The following ITK variants were observed in gnomAD, a reference collection of about 807,000 sequenced individuals.
The protein encoded by ITK is IL2 inducible T cell kinase.
A neutral mutation model predicts 87.6 loss-of-function variants in ITK; 45 were observed. The observed-to-expected ratio is 0.51, with a 90% CI of 0.40 to 0.66. The LOEUF (loss-of-function observed/expected upper bound fraction) is 0.66, where lower values mean the gene tolerates loss of function less well. ITK is among the 30% of genes least tolerant of loss of function. ITK has a pLI of 0.00. For missense variants in ITK, 605 were observed against 766.3 expected (o/e 0.79, Z 2.48); for synonymous variants, 303 against 273.6 (o/e 1.11, Z -1.06).
chr5:157,243,963 C>G, intron 12 of ITK, 169 bp downstream of exon 12: 1 of 730,098 alleles, frequency 1.4e-6, no homozygotes, highest in Non-Finnish European at 2.4e-6. Context: ...GTCTCCAAGG[C>G]CCACCATAAT....
At chr5:157,228,456 A>G in intron 7 of ITK, 95 bp downstream of exon 7, 3 of 761,538 alleles carry the variant, frequency 3.9e-6, no homozygotes, top group Non-Finnish European at 4.7e-6. Flanking sequence ...ATACCAGATG[A>G]TCCCTACTGC....
chr5:157,192,442 A>T (rs1232092791), intron 1 of ITK, among the ~76,000 whole-genome samples: 1 of 152,190 alleles, frequency 6.6e-6, no homozygotes, highest in Non-Finnish European at 1.5e-5. Context: ...GGCCTATGAC[A>T]CTGAAATTCT....
chr5:157,225,398 C>A (rs1262463887), intron 6 of ITK, among the ~76,000 whole-genome samples: 3 of 151,592 alleles, frequency 2.0e-5, no homozygotes, highest in African/African-American at 7.3e-5. Flanking sequence ...TACCTTCCTG[C>A]TAACAGAGTT....
At chr5:157,242,573 T>C (rs1455638192) in intron 11 of ITK, among the ~76,000 whole-genome samples, 1 of 152,106 alleles carries the variant, frequency 6.6e-6, no homozygotes, top group Non-Finnish European at 1.5e-5. Context: ...CCTCCTGGGC[T>C]CAAGCGATCC....
chr5:157,240,267 C>A, intron 10 of ITK, 72 bp downstream of exon 10: 1 of 1,400,702 alleles, frequency 7.1e-7, no homozygotes, highest in Non-Finnish European at 1.0e-6. Context: ...AGCATTACTG[C>A]CTGAGCTCTG....
chr5:157,220,291 A>G (rs1342777215), intron 5 of ITK, among the ~76,000 whole-genome samples: 1 of 152,186 alleles, frequency 6.6e-6, no homozygotes, highest in East Asian at 1.9e-4. Flanking sequence ...TCTTTTGCCT[A>G]TGGATACAAA....
At chr5:157,219,257 C>G (rs527583164) in intron 5 of ITK, among the ~76,000 whole-genome samples, 1 of 151,778 alleles carries the variant, frequency 6.6e-6, no homozygotes, top group Non-Finnish European at 1.5e-5. Context: ...GGATTACAGG[C>G]GCTCACCATC....
At chr5:157,219,835 T>C (rs1271852822) in intron 5 of ITK, among the ~76,000 whole-genome samples, 5 of 152,226 alleles carry the variant, frequency 3.3e-5, no homozygotes, top group Non-Finnish European at 1.5e-5. Flanking sequence ...CTTGTGTCTT[T>C]ATTTTTGGTA....
At chr5:157,225,246 T>A (rs1005267036) in intron 6 of ITK, among the ~76,000 whole-genome samples, 2 of 152,158 alleles carry the variant, frequency 1.3e-5, no homozygotes, top group Non-Finnish European at 2.9e-5. Context: ...TCTCCCGCTT[T>A]AGCCTCCCAA....
chr5:157,212,672 T>A (rs907492862), intron 3 of ITK, among the ~76,000 whole-genome samples: 4 of 152,112 alleles, frequency 2.6e-5, no homozygotes, highest in Non-Finnish European at 4.4e-5. Flanking sequence ...AGCAACATAG[T>A]GAGATCTCAT....
intron 3 of ITK, 51 bp downstream of exon 3, chr5:157,211,419 A>G: frequency 7.1e-7 from 1 of 1,418,192 alleles, no homozygotes; most frequent in Non-Finnish European, 1.0e-6. Flanking sequence ...ATCCTATAGT[A>G]GGGTTGGGTT....
At chr5:157,218,511 G>GAAA (rs397884875) in intron 5 of ITK, among the ~76,000 whole-genome samples, 5 of 102,716 alleles carry the variant, frequency 4.9e-5, no homozygotes, top group Admixed American at 1.0e-4. Flanking sequence ...CCCGTCTCCA[G>GAAA]AAAAAAAAAA....
At chr5:157,227,057 T>C (rs918663028) in intron 6 of ITK, among the ~76,000 whole-genome samples, 1 of 152,192 alleles carries the variant, frequency 6.6e-6, no homozygotes, top group Non-Finnish European at 1.5e-5. Flanking sequence ...TGAGCTCAAG[T>C]GATCCACCCA....
chr5:157,240,607 G>T (rs543845590), intron 10 of ITK: 8 of 242,842 alleles, frequency 3.3e-5, no homozygotes, highest in Non-Finnish European at 6.5e-5. Context: ...ATTGGTCCAT[G>T]GTTGTATAGG....
At chr5:157,212,167 G>C (rs1754204955) in intron 3 of ITK, among the ~76,000 whole-genome samples, 1 of 152,154 alleles carries the variant, frequency 6.6e-6, no homozygotes. Context: ...AACAGTCATG[G>C]AGCTGTTGTG....
rs576932544 is a variant in ITK at position 157,239,710 on chromosome 5, G to A, written c.852-352G>A. 3.3e-5 allele frequency among the ~76,000 whole-genome samples: 5 copies of A among 152,200 alleles called. No homozygotes were observed. The East Asian group carries it at 5.8e-4, about 18-fold the overall frequency. On this transcript the variant is annotated intron_variant, in intron 9 of 16. Coordinates refer to ENST00000422843, the MANE Select transcript of ITK (RefSeq NM_005546.4). ...TTATGAAGTCAAATAAGGGTGAAGG[G>A]GTCAGAGAGGCTTTCTCAATGTATG...
intron 9 of ITK, 114 bp from the exon 10 acceptor site, chr5:157,239,948 C>A: frequency 9.6e-7 from 1 of 1,040,858 alleles, no homozygotes; most frequent in Non-Finnish European, 1.4e-6. Flanking sequence ...ACAATATCTG[C>A]CACCTTGTGA....
Position 157,222,225 on chromosome 5 carries a change from C to T in ITK, c.496-638C>T, listed in dbSNP as rs993060424. Among the ~76,000 whole-genome samples the T allele has an allele frequency of 1.5e-4, 23 of 152,230 alleles. No individual in the cohort carries two copies. In the South Asian group the frequency reaches 3.5e-3, roughly 23 times the overall value. Reference sequence around the variant, plus strand: ...CCCATCCTGAACTCTGGCGACTATGCGCTTTGTGGTCTTTTCTTCATGTCC... The same window carrying T: ...CCCATCCTGAACTCTGGCGACTATGTGCTTTGTGGTCTTTTCTTCATGTCC... On this transcript the variant is annotated intron_variant, in intron 5 of 16. Coordinates refer to ENST00000422843, the MANE Select transcript of ITK (RefSeq NM_005546.4).
rs146482152 is a variant in ITK, at chr5:157,231,543, C to A, written c.714-797C>A. On this transcript the variant is annotated intron_variant, in intron 7 of 16. Transcript: ENST00000422843. Reference sequence around the variant, plus strand: ...TTTAGTCATGGCTACTCTCAAGTAGCCAAACAAGTTTGTTAAGTGGTATTC... The same window carrying A: ...TTTAGTCATGGCTACTCTCAAGTAGACAAACAAGTTTGTTAAGTGGTATTC... 1.2e-3 allele frequency among the ~76,000 whole-genome samples: 186 copies of A among 152,276 alleles called. 1 individual carries two copies. The highest frequency in any genetic ancestry group is 4.1e-3 in the African/African-American group (171 of 41,556).
Sources: allele counts gnomAD v4.1 joint callset (sites outside exome capture counted in the v4.1 genomes callset), GRCh38; gene constraint gnomAD v4.1.1; transcripts MANE v1.5; gene names NCBI Gene and HGNC (gene_info 2026-07-23, HGNC 2026-07-21).